The following PROKR2 variants were observed in gnomAD, a reference collection of about 807,000 sequenced individuals.
The protein encoded by PROKR2 is prokineticin receptor 2.
A neutral mutation model predicts 23.4 loss-of-function variants in PROKR2; 26 were observed. The ratio of observed to expected loss-of-function variants is 1.11; its 90% CI spans 0.81 to 1.54. PROKR2 has a LOEUF of 1.54. Ranked by LOEUF, PROKR2 falls within the 40% of genes most tolerant of loss-of-function variation. The pLI is 0.00. For synonymous variants in PROKR2, 212 were observed against 201.2 expected (o/e 1.05, Z -0.45); for missense variants, 453 against 511.5 (o/e 0.89, Z 1.10).
chr20:5,302,876 A>C, intron 2 of PROKR2, 140 bp from the exon 3 acceptor site: 1 of 687,592 alleles, frequency 1.5e-6, no homozygotes, highest in Non-Finnish European at 2.5e-6. Context: ...GCTTCATCTT[A>C]TTTTAGCAAC....
intron 2 of PROKR2, among the ~76,000 whole-genome samples, chr20:5,313,362 G>A (rs977422229): frequency 2.2e-4 from 34 of 152,272 alleles, no homozygotes; most frequent in African/African-American, 7.5e-4. Context: ...CTGCAACAAA[G>A]TCTATCAGAA....
rs1979012191 is a variant in PROKR2, at chr20:5,302,133, G to T, written c.1062C>A (p.Pro354=). The T allele has an allele frequency of 6.2e-7, 1 of 1,614,120 alleles. No homozygotes were observed. Among genetic ancestry groups the T allele is most frequent in the Non-Finnish European group, 8.5e-7 (1 of 1,180,052 alleles). The change falls in exon 3 of 3, where the codon CCC becomes CCA. Residue 354 remains proline (P), a synonymous_variant. Transcript: ENST00000678254. Reference sequence around the variant, plus strand: ...CACTGGACTTGCTCCCCCGCTGGGAGGGACGCCAGTGCAGCAGCATCATCT... The same window carrying T: ...CACTGGACTTGCTCCCCCGCTGGGATGGACGCCAGTGCAGCAGCATCATCT... ...FKKMMLLHWR[P]SQRGSKSSAD...
chr20:5,299,905 G>A lies in PROKR2; in HGVS notation c.*2135C>T, dbSNP rs1297203686. Among the ~76,000 whole-genome samples, 1 of 152,216 alleles carries A rather than the reference G, an allele frequency of 6.6e-6. No individual in the cohort carries two copies. Among genetic ancestry groups the A allele is most frequent in the Non-Finnish European group, 1.5e-5 (1 of 68,040 alleles). ...CTCCCGAAGTGCTGGGATTACAGAT[G>A]TGAGCCACCATGCCGGCCTGCATTT... On this transcript the variant is annotated 3_prime_UTR_variant, in exon 3 of 3. Coordinates refer to ENST00000678254, the MANE Select transcript of PROKR2 (RefSeq NM_144773.4).
chr20:5,307,638 C>T (rs2122213235), intron 2 of PROKR2, among the ~76,000 whole-genome samples: 1 of 152,338 alleles, frequency 6.6e-6, no homozygotes, highest in Admixed American at 6.5e-5. Flanking sequence ...AATTGCACCT[C>T]TCAGTCTGCG....
In PROKR2 at chr20:5,316,731, G is replaced by A. The variant is rs1245951819; in HGVS notation, c.-246C>T. On this transcript the variant is annotated 5_prime_UTR_variant, in exon 1 of 3. Coordinates refer to ENST00000678254, the MANE Select transcript of PROKR2 (RefSeq NM_144773.4). The surrounding 1 kb of genome is among the most constrained non-coding windows in gnomAD (Gnocchi z 5.0). ...CGCTCCGGCCCCACAGCTCTTTCCA[G>A]CGTCTCGGACCTGTGCGCCCCGCCC... 6.6e-6 allele frequency among the ~76,000 whole-genome samples: 1 copy of A among 152,234 alleles called. No individual in the cohort carries two copies. Among genetic ancestry groups the A allele is most frequent in the Non-Finnish European group, 1.5e-5 (1 of 68,036 alleles).
At chr20:5,311,415 T>C (rs1979438803) in intron 2 of PROKR2, among the ~76,000 whole-genome samples, 1 of 152,190 alleles carries the variant, frequency 6.6e-6, no homozygotes, top group Non-Finnish European at 1.5e-5. Flanking sequence ...GGACCCACTC[T>C]GTTGTCTGTG....
chr20:5,302,143 T>G lies in PROKR2; in HGVS notation c.1052A>C (p.His351Pro), dbSNP rs1425069359. The G allele has an allele frequency of 1.2e-6, 2 of 1,614,094 alleles. No individual in the cohort carries two copies. The highest frequency in any genetic ancestry group is 1.7e-6 in the Non-Finnish European group (2 of 1,180,036). ...GCTCCCCCGCTGGGAGGGACGCCAG[T>G]GCAGCAGCATCATCTTCTTGAAGTA... ...MKYFKKMMLL[H>P]WRPSQRGSKS... Residue 351 changes from histidine to proline, a missense_variant, in exon 3 of 3, where the codon CAC (histidine) becomes CCC (proline). By Grantham distance (77) the His-to-Pro change is moderately conservative (BLOSUM62 -2). Transcript: ENST00000678254.
Position 5,302,634 on chromosome 20 carries a change from T to G in PROKR2, c.561A>C (p.Pro187=). Residue 187 remains proline, a synonymous_variant, in exon 3 of 3, where the codon CCA becomes CCC. Coordinates refer to ENST00000678254, the MANE Select transcript of PROKR2 (RefSeq NM_144773.4). The part of the protein sequence containing the change: ...VWMVSILIAI[P]SAYFATETVL... ...CCGTTTCTGTTGCAAAGTAAGCCGATGGGATGGCAATGAGAATGGACACCA... is the reference window on the plus strand; with the variant it reads ...CCGTTTCTGTTGCAAAGTAAGCCGAGGGGATGGCAATGAGAATGGACACCA... The G allele has an allele frequency of 1.2e-6, 2 of 1,614,132 alleles. No individual in the cohort carries two copies. The highest frequency in any genetic ancestry group is 1.7e-6 in the Non-Finnish European group (2 of 1,180,010).
chr20:5,311,736 G>A (rs1319245029), intron 2 of PROKR2, among the ~76,000 whole-genome samples: 1 of 152,220 alleles, frequency 6.6e-6, no homozygotes, highest in Non-Finnish European at 1.5e-5. Flanking sequence ...TAGAATATAA[G>A]CAGGCAGAAA....
rs755743973 is a variant in PROKR2 at position 5,302,302 on chromosome 20, C to T, written c.893G>A (p.Arg298His). 15 of 1,614,098 alleles carry T rather than the reference C, an allele frequency of 9.3e-6. No individual in the cohort carries two copies. The Admixed American group carries it at 1.2e-4, about 13-fold the overall frequency. Residue 298 changes from arginine to histidine, a missense_variant, in exon 3 of 3, where the codon CGT (arginine) becomes CAT (histidine). Arg to His is a conservative substitution (Grantham distance 29). Coordinates refer to ENST00000678254, the MANE Select transcript of PROKR2 (RefSeq NM_144773.4). ...CACGAACACAGTGGGGAAGAAGTCA[C>T]GAACGATGGTGAAACCGTAGAAGGG... ...WAPFYGFTIVRDFFPTVFVKE... is the reference protein window; with the variant it reads ...WAPFYGFTIVHDFFPTVFVKE...
rs922069460 is a variant in PROKR2 at position 5,301,213 on chromosome 20, T to G, written c.*827A>C. On this transcript the variant is annotated 3_prime_UTR_variant, in exon 3 of 3. Coordinates refer to ENST00000678254, the MANE Select transcript of PROKR2 (RefSeq NM_144773.4). The stretch of plus-strand genomic sequence containing the variant: ...TTCTTCTATAGCCGTTGGTTGTTGT[T>G]GTTGTTGTTTTGTTGTTTGTTTGTT... Among the ~76,000 whole-genome samples the G allele has an allele frequency of 1.3e-5, 2 of 150,468 alleles. No individual in the cohort carries two copies. The highest frequency in any genetic ancestry group is 5.0e-5 in the African/African-American group (2 of 40,280).
chr20:5,315,874 C>A, intron 1 of PROKR2: 1 of 456,566 alleles, frequency 2.2e-6, no homozygotes, highest in Non-Finnish European at 4.4e-6. Flanking sequence ...CTTTCCAGCC[C>A]CCTAACCCAA....
intron 1 of PROKR2, among the ~76,000 whole-genome samples, chr20:5,314,944 C>G (rs932598659): frequency 6.6e-6 from 1 of 152,194 alleles, no homozygotes; most frequent in Non-Finnish European, 1.5e-5. Context: ...GGTCTTCTCT[C>G]CAAAGCAGGA....
In PROKR2 at chr20:5,301,239, T is replaced by G. The variant is rs1460017164; in HGVS notation, c.*801A>C. Reference sequence around the variant, plus strand: ...GTTGTTGTTTTGTTGTTTGTTTGTTTGTTTTTTTCCTGAGACAGAGTCTCA... The same window carrying G: ...GTTGTTGTTTTGTTGTTTGTTTGTTGGTTTTTTTCCTGAGACAGAGTCTCA... On this transcript the variant is annotated 3_prime_UTR_variant, in exon 3 of 3. Transcript: ENST00000678254. Among the ~76,000 whole-genome samples the G allele has an allele frequency of 6.6e-6, 1 of 152,162 alleles. No individual in the cohort carries two copies. The highest frequency in any genetic ancestry group is 1.5e-5 in the Non-Finnish European group (1 of 68,026).
chr20:5,303,435 T>C (rs971747456), intron 2 of PROKR2, among the ~76,000 whole-genome samples: 2 of 152,190 alleles, frequency 1.3e-5, no homozygotes, highest in Non-Finnish European at 2.9e-5. Context: ...GCTCACATCA[T>C]GCAGGGACCA....
rs768671137 is a variant in PROKR2 at position 5,314,131 on chromosome 20, C to A, written c.239G>T (p.Arg80Leu). 1.2e-6 allele frequency: 2 copies of A among 1,614,138 alleles called. No homozygotes were observed. Among genetic ancestry groups the A allele is most frequent in the Non-Finnish European group, 1.7e-6 (2 of 1,180,004 alleles). The change falls in exon 2 of 3, where the codon CGC (arginine) becomes CTC (leucine). Residue 80 changes from arginine (R) to leucine (L), a missense_variant. Coordinates refer to ENST00000678254, the MANE Select transcript of PROKR2 (RefSeq NM_144773.4). ...GGTGAGGTTGCGCAACTTCTTATAG[C>A]GGGTGAGGGCAGCGATAAAGACAAA... ...GNFVFIAALT[R>L]YKKLRNLTNL...
In PROKR2 at chr20:5,301,240, G is replaced by GT. The variant is rs1568568759; in HGVS notation, c.*799dup. On this transcript the variant is annotated 3_prime_UTR_variant, in exon 3 of 3. Coordinates refer to ENST00000678254, the MANE Select transcript of PROKR2 (RefSeq NM_144773.4). ...TTGTTGTTTTGTTGTTTGTTTGTTT[G>GT]TTTTTTTCCTGAGACAGAGTCTCAC... Among the ~76,000 whole-genome samples, 13 of 151,500 alleles carry GT rather than the reference G, an allele frequency of 8.6e-5. No homozygotes were observed. Among genetic ancestry groups the GT allele is most frequent in the Admixed American group, 8.6e-4 (13 of 15,186 alleles).
chr20:5,312,804 G>T (rs895819744), intron 2 of PROKR2, among the ~76,000 whole-genome samples: 2 of 152,184 alleles, frequency 1.3e-5, no homozygotes, highest in African/African-American at 4.8e-5. Context: ...AGCCAGTGAT[G>T]GCCCGATGCT....
At chr20:5,310,137 G>T (rs1264206144) in intron 2 of PROKR2, among the ~76,000 whole-genome samples, 1 of 152,198 alleles carries the variant, frequency 6.6e-6, no homozygotes, top group Non-Finnish European at 1.5e-5. Flanking sequence ...ACATACATAA[G>T]GGATGTTGAA....
Sources: allele counts gnomAD v4.1 joint callset (sites outside exome capture counted in the v4.1 genomes callset), GRCh38; gene constraint gnomAD v4.1.1; non-coding constraint Gnocchi (gnomAD v3.1); transcripts MANE v1.5; gene names NCBI Gene and HGNC (gene_info 2026-07-23, HGNC 2026-07-21).